The following SPOCK1 variants were observed in gnomAD, a reference collection of about 807,000 sequenced individuals.
The protein encoded by SPOCK1 is SPARC (osteonectin), cwcv and kazal like domains proteoglycan 1.
In SPOCK1, 23 loss-of-function variants were observed where a neutral mutation model predicts 55.3. The observed-to-expected ratio is 0.42, with a 90% CI of 0.30 to 0.59. The LOEUF (loss-of-function observed/expected upper bound fraction) is 0.59. Ranked by LOEUF, SPOCK1 falls within the 20% of genes least tolerant of loss-of-function variation. The pLI is 0.22. For synonymous variants in SPOCK1, 226 were observed against 221.0 expected (o/e 1.02, Z -0.20); for missense variants, 499 against 552.5 (o/e 0.90, Z 0.97).
chr5:137,224,054 A>T (rs1324897410), intron 3 of SPOCK1, among the ~76,000 whole-genome samples: 2 of 152,228 alleles, frequency 1.3e-5, no homozygotes, highest in Non-Finnish European at 2.9e-5. Flanking sequence ...CTAACATTAT[A>T]ACAGATGCTA....
intron 3 of SPOCK1, among the ~76,000 whole-genome samples, chr5:137,222,964 GA>G (rs965474255): frequency 5.4e-5 from 8 of 149,212 alleles, no homozygotes; most frequent in African/African-American, 1.2e-4. Context: ...AGGCAATTAG[GA>G]AAAAAAAATT....
intron 2 of SPOCK1, among the ~76,000 whole-genome samples, chr5:137,425,039 GA>G (rs1309047180): frequency 6.6e-6 from 1 of 152,158 alleles, no homozygotes; most frequent in Admixed American, 6.5e-5. Context: ...TCCCATTCTA[GA>G]ACTTTACCAA....
intron 5 of SPOCK1, among the ~76,000 whole-genome samples, chr5:137,103,619 T>C (rs1306557608): frequency 6.6e-6 from 1 of 152,222 alleles, no homozygotes; most frequent in Non-Finnish European, 1.5e-5. Context: ...TTGGTAAATG[T>C]TTACAGGAGC....
At chr5:137,061,548 C>T (rs1752394290) in intron 6 of SPOCK1, among the ~76,000 whole-genome samples, 1 of 152,148 alleles carries the variant, frequency 6.6e-6, no homozygotes, top group South Asian at 2.1e-4. Flanking sequence ...TCTTTCCTCC[C>T]CTCCTGCACC....
chr5:137,223,679 A>T (rs1480792073), intron 3 of SPOCK1, among the ~76,000 whole-genome samples: 1 of 152,190 alleles, frequency 6.6e-6, no homozygotes, highest in South Asian at 2.1e-4. Context: ...ATGAGCAAAA[A>T]CATGTTCTAA....
intron 2 of SPOCK1, among the ~76,000 whole-genome samples, chr5:137,398,082 C>T (rs1194631950): frequency 6.6e-6 from 1 of 152,082 alleles, no homozygotes; most frequent in Admixed American, 6.5e-5. Flanking sequence ...CAGCCAGCCA[C>T]ACCATACAGG....
At chr5:136,984,384 G>GAATAACTCTGTATTA (rs1554091060) in intron 9 of SPOCK1, among the ~76,000 whole-genome samples, 3 of 151,726 alleles carry the variant, frequency 2.0e-5, no homozygotes, top group African/African-American at 7.3e-5. Context: ...TGCTTCACGG[G>GAATAACTCTGTATTA]AATAATTCTG....
intron 6 of SPOCK1, among the ~76,000 whole-genome samples, chr5:137,039,326 T>C (rs1751948931): frequency 7.2e-6 from 1 of 138,426 alleles, no homozygotes; most frequent in Admixed American, 7.6e-5. Context: ...ATTCTGCCTA[T>C]ACCCGGAGCC....
At chr5:137,215,192 G>T (rs983238078) in intron 3 of SPOCK1, among the ~76,000 whole-genome samples, 2 of 152,178 alleles carry the variant, frequency 1.3e-5, no homozygotes, top group African/African-American at 4.8e-5. Context: ...CATATGAGAA[G>T]GATGTTTTTA....
chr5:137,038,213 G>T (rs1751923149), intron 6 of SPOCK1, among the ~76,000 whole-genome samples: 1 of 152,154 alleles, frequency 6.6e-6, no homozygotes, highest in Non-Finnish European at 1.5e-5. Flanking sequence ...CAAAGTCTGA[G>T]ACTCATGAAA....
intron 2 of SPOCK1, among the ~76,000 whole-genome samples, chr5:137,455,614 A>G (rs1316466012): frequency 1.3e-5 from 2 of 152,266 alleles, no homozygotes; most frequent in African/African-American, 4.8e-5. Context: ...TGTGGTCTAT[A>G]GTAACAGGTT....
intron 6 of SPOCK1, among the ~76,000 whole-genome samples, chr5:137,020,433 C>T (rs1349650322): frequency 6.6e-6 from 1 of 151,602 alleles, no homozygotes; most frequent in African/African-American, 2.4e-5. Context: ...ATGCAGTCTC[C>T]CTAAAATGTA....
chr5:137,026,346 T>A (rs145988821), intron 6 of SPOCK1, among the ~76,000 whole-genome samples: 2 of 152,250 alleles, frequency 1.3e-5, no homozygotes. Flanking sequence ...GAGATTAACA[T>A]TTAAGTCAGT....
chr5:137,313,319 G>T, intron 2 of SPOCK1: 1 of 650,458 alleles, frequency 1.5e-6, no homozygotes, highest in Non-Finnish European at 1.9e-6. Flanking sequence ...TCATTTAGTT[G>T]GAAGTAGGGA....
intron 2 of SPOCK1, among the ~76,000 whole-genome samples, chr5:137,303,164 C>A (rs1333091010): frequency 6.6e-6 from 1 of 152,000 alleles, no homozygotes; most frequent in Non-Finnish European, 1.5e-5. Context: ...AAGAGGCAAG[C>A]ATTTTTGAGT....
chr5:137,471,509 C>T (rs1457918636), intron 2 of SPOCK1, among the ~76,000 whole-genome samples: 1 of 152,134 alleles, frequency 6.6e-6, no homozygotes, highest in East Asian at 1.9e-4. Context: ...CAGTAGTCAC[C>T]GCTATTCCTA....
chr5:137,372,207 G>A (rs148108824), intron 2 of SPOCK1, among the ~76,000 whole-genome samples: 34 of 152,042 alleles, frequency 2.2e-4, no homozygotes, highest in African/African-American at 8.0e-4. Context: ...TAGGTCTAAA[G>A]AATGATAAAA....
intron 2 of SPOCK1, among the ~76,000 whole-genome samples, chr5:137,356,838 T>TATATAGAGAGAGAGAGAGAGAG (rs1554077335): frequency 5.5e-4 from 3 of 5,460 alleles, no homozygotes; most frequent in Non-Finnish European, 9.3e-4. Context: ...TATATATATA[T>TATATAGAGAGAGAGAGAGAGAG]AGAGAGAGAG....
At chr5:137,025,405 A>G (rs1465221887) in intron 6 of SPOCK1, among the ~76,000 whole-genome samples, 1 of 152,186 alleles carries the variant, frequency 6.6e-6, no homozygotes, top group Non-Finnish European at 1.5e-5. Context: ...CCTACACTTG[A>G]AGCACCTGCT....
Sources: allele counts gnomAD v4.1 joint callset (sites outside exome capture counted in the v4.1 genomes callset), GRCh38; gene constraint gnomAD v4.1.1; transcripts MANE v1.5; gene names NCBI Gene and HGNC (gene_info 2026-07-23, HGNC 2026-07-21).